Variants in STK33 observed in about 807,000 individuals in gnomAD.
The protein encoded by STK33 is serine/threonine kinase 33, also known as serine/threonine-protein kinase 33.
A neutral mutation model predicts 58.0 loss-of-function variants in STK33; 52 were observed. That is an observed-to-expected ratio of 0.90 (90% CI 0.72 to 1.13). STK33 has a LOEUF of 1.13. Among genes scored for constraint, STK33 ranks in the 50% most tolerant of loss-of-function variants. STK33 has a pLI of 0.00. For synonymous variants in STK33, 215 were observed against 200.1 expected, an observed-to-expected ratio of 1.07 and a Z score of -0.63; for missense variants, 630 against 604.2, an observed-to-expected ratio of 1.04 and a Z score of -0.45.
At chr11:8,515,800 CA>C (rs917552480) in intron 1 of STK33, among the ~76,000 whole-genome samples, 1 of 151,880 alleles carries the variant, frequency 6.6e-6, no homozygotes. Flanking sequence ...TGATAAAAAA[CA>C]AAAAAACTCT....
intron 6 of STK33, among the ~76,000 whole-genome samples, chr11:8,469,822 C>T (rs548883542): frequency 6.6e-6 from 1 of 152,304 alleles, no homozygotes; most frequent in Non-Finnish European, 1.5e-5. Flanking sequence ...CTTGGGTGAC[C>T]AGGCGCATTG....
chr11:8,339,927 G>A, the STK33 span, among the ~76,000 whole-genome samples: 1 of 152,286 alleles, frequency 6.6e-6, no homozygotes, highest in Admixed American at 6.5e-5. Flanking sequence ...GCCCTGACCC[G>A]ACCCGCCTAC....
chr11:8,555,506 A>T (rs1007642554), intron 1 of STK33, among the ~76,000 whole-genome samples: 4 of 151,888 alleles, frequency 2.6e-5, no homozygotes, highest in African/African-American at 9.7e-5. Flanking sequence ...CTCTACTAAA[A>T]ACACAAAAAG....
At chr11:8,482,964 C>T (rs1949936754) in intron 1 of STK33, among the ~76,000 whole-genome samples, 1 of 152,018 alleles carries the variant, frequency 6.6e-6, no homozygotes, top group South Asian at 2.1e-4. Flanking sequence ...ATCTCCTGAC[C>T]TCATAATCTG....
chr11:8,574,026 C>T (rs1425909479), intron 1 of STK33, among the ~76,000 whole-genome samples: 1 of 152,156 alleles, frequency 6.6e-6, no homozygotes, highest in Non-Finnish European at 1.5e-5. Flanking sequence ...TACACAAGAC[C>T]TGCCTTGAAG....
At chr11:8,362,182 C>T in the STK33 span, among the ~76,000 whole-genome samples, 9 of 152,222 alleles carry the variant, frequency 5.9e-5, no homozygotes, top group Non-Finnish European at 2.9e-5. Context: ...AACAAGGTCA[C>T]ATATCGGCAA....
chr11:8,460,548 T>C (rs1474486934), intron 8 of STK33, among the ~76,000 whole-genome samples: 3 of 152,074 alleles, frequency 2.0e-5, no homozygotes, highest in Non-Finnish European at 4.4e-5. Context: ...ATCAGTGAAC[T>C]GTGGACAATA....
At chr11:8,438,781 C>G (rs1944376156) in intron 12 of STK33, among the ~76,000 whole-genome samples, 1 of 152,242 alleles carries the variant, frequency 6.6e-6, no homozygotes, top group African/African-American at 2.4e-5. Flanking sequence ...TCTAGAAAGT[C>G]TTCAGAGTAT....
In STK33 at chr11:8,452,625, C is replaced by CA. The variant is rs978266579; in HGVS notation, c.871+196dup. 2.0e-3 allele frequency among the ~76,000 whole-genome samples: 307 copies of CA among 150,634 alleles called. 4 individuals are homozygous for CA. Among genetic ancestry groups the CA allele is most frequent in the African/African-American group, 6.8e-4 (28 of 41,118 alleles). The stretch of plus-strand genomic sequence containing the variant: ...CAGTGAGACTGCTATCTCTTAAAAA[C>CA]AAAAAAAAATTAATTAGCCAGGTGT... On this transcript the variant is annotated intron_variant, in intron 11 of 15. Coordinates refer to ENST00000687296, the MANE Select transcript of STK33 (RefSeq NM_001352389.2).
chr11:8,430,866 ATTTT>A (rs11423343), intron 14 of STK33, among the ~76,000 whole-genome samples: 1 of 133,826 alleles, frequency 7.5e-6, no homozygotes. Flanking sequence ...CCTTAACATA[ATTTT>A]TTTTTTTTTT....
intron 14 of STK33, among the ~76,000 whole-genome samples, chr11:8,429,971 C>G (rs776473092): frequency 5.3e-5 from 8 of 152,146 alleles, no homozygotes; most frequent in African/African-American, 9.7e-5. Context: ...CTATCTCTAG[C>G]CCACAGACCT....
At chr11:8,347,205 G>A in the STK33 span, among the ~76,000 whole-genome samples, 8 of 152,214 alleles carry the variant, frequency 5.3e-5, no homozygotes, top group Non-Finnish European at 7.4e-5. Context: ...CTGAATGCAG[G>A]GGGGAGCTCA....
At chr11:8,528,736 C>T (rs1335339767) in intron 1 of STK33, among the ~76,000 whole-genome samples, 2 of 152,198 alleles carry the variant, frequency 1.3e-5, no homozygotes, top group African/African-American at 4.8e-5. Flanking sequence ...CATGTGCACA[C>T]GCTTTTCACC....
chr11:8,541,971 G>C (rs1357640543), intron 1 of STK33, among the ~76,000 whole-genome samples: 1 of 152,154 alleles, frequency 6.6e-6, no homozygotes, highest in Non-Finnish European at 1.5e-5. Context: ...GAGAAGCAAA[G>C]AGAACAGTCT....
At chr11:8,539,668 A>C (rs182105018) in intron 1 of STK33, among the ~76,000 whole-genome samples, 1 of 152,228 alleles carries the variant, frequency 6.6e-6, no homozygotes, top group South Asian at 2.1e-4. Flanking sequence ...TTGCTTCTTC[A>C]TCATAAAGAA....
downstream of STK33, among the ~76,000 whole-genome samples, chr11:8,388,390 G>C (rs1590664883): frequency 6.6e-6 from 1 of 152,232 alleles, no homozygotes; most frequent in Non-Finnish European, 1.5e-5. Context: ...ATGCGGCCTC[G>C]CTTTGAAGAA....
In STK33 at chr11:8,392,465, A is replaced by C; in HGVS notation, c.*45T>G. On this transcript the variant is annotated 3_prime_UTR_variant, in exon 16 of 16. Transcript: ENST00000687296. ...CTCCTACCCCCTCATCAAAGTGCTAACAAGAGCAGCTTTGTTTTTGTACTG... is the reference window on the plus strand; with the variant it reads ...CTCCTACCCCCTCATCAAAGTGCTACCAAGAGCAGCTTTGTTTTTGTACTG... 6.2e-7 allele frequency: 1 copy of C among 1,608,990 alleles called. No individual in the cohort carries two copies. Among genetic ancestry groups the C allele is most frequent in the Non-Finnish European group, 8.5e-7 (1 of 1,177,094 alleles).
chr11:8,381,359 T>C, the STK33 span, among the ~76,000 whole-genome samples: 13 of 152,166 alleles, frequency 8.5e-5, no homozygotes, highest in African/African-American at 3.1e-4. Context: ...CCAAGTAATC[T>C]GTCAGCCGAG....
chr11:8,417,604 C>T (rs376764811), intron 14 of STK33, among the ~76,000 whole-genome samples: 17 of 152,246 alleles, frequency 1.1e-4, no homozygotes, highest in African/African-American at 3.9e-4. Flanking sequence ...CATGCAGTCA[C>T]CATTCTCTGT....
Sources: gnomAD v4.1 joint callset for allele counts (sites outside exome capture counted in the v4.1 genomes callset) on GRCh38, gnomAD v4.1.1 for gene constraint, MANE v1.5 for transcripts, NCBI Gene and HGNC (gene_info 2026-07-23, HGNC 2026-07-21) for gene names.